The following MAML3 variants were observed in gnomAD, a reference collection of about 807,000 sequenced individuals.
MAML3 encodes the protein mastermind like transcriptional coactivator 3, also known as mastermind-like protein 3.
Under a neutral mutation model 101.9 loss-of-function variants are expected in MAML3, and 27 were observed. The ratio of observed to expected loss-of-function variants is 0.27; its 90% CI spans 0.20 to 0.37. The LOEUF is 0.37. Among genes scored for constraint, MAML3 ranks in the 10% least tolerant of loss-of-function variants. The pLI, the probability that MAML3 is intolerant of heterozygous loss-of-function variation, is 1.00. For synonymous variants in MAML3, 501 were observed against 555.9 expected, an observed-to-expected ratio of 0.90 and a Z score of 1.39; for missense variants, 1,316 against 1,444.9, an observed-to-expected ratio of 0.91 and a Z score of 1.45.
rs549859093 is a variant in MAML3, at chr4:139,784,928, C to G, written c.2080-54261G>C. ...AGTGTGGAATGATAGACATTGGAGACGAGGAGGGGTGGGAGGGTGGAAAGA... is the reference window on the plus strand; with the variant it reads ...AGTGTGGAATGATAGACATTGGAGAGGAGGAGGGGTGGGAGGGTGGAAAGA... On this transcript the variant is annotated intron_variant, in intron 2 of 4. Coordinates refer to ENST00000509479, the MANE Select transcript of MAML3 (RefSeq NM_018717.5). Among the ~76,000 whole-genome samples the G allele has an allele frequency of 2.5e-4, 38 of 151,680 alleles. No individual in the cohort carries two copies. In the South Asian group the frequency reaches 7.7e-3, roughly 31 times the overall value.
chr4:139,809,522 C>T (rs904361456), intron 2 of MAML3, among the ~76,000 whole-genome samples: 1 of 152,190 alleles, frequency 6.6e-6, no homozygotes, highest in Admixed American at 6.5e-5. Flanking sequence ...GGAGATGTGA[C>T]CCTGGTCCCC....
intron 1 of MAML3, among the ~76,000 whole-genome samples, chr4:139,999,098 G>T (rs1001261838): frequency 7.2e-5 from 11 of 152,142 alleles, no homozygotes; most frequent in Non-Finnish European, 1.2e-4. Context: ...CTCAAGACTA[G>T]ATAGGAGTGT....
intron 1 of MAML3, 45 bp from the exon 2 acceptor site, chr4:139,891,012 A>AT: frequency 6.4e-7 from 1 of 1,572,194 alleles, no homozygotes; most frequent in Admixed American, 1.8e-5. Context: ...TCCAAGTCAT[A>AT]TTTTACTCTT....
In MAML3 at chr4:139,720,074, C is replaced by T. The variant is rs1728169663; in HGVS notation, c.2666G>A (p.Gly889Asp). The T allele has an allele frequency of 6.2e-7, 1 of 1,613,960 alleles. No homozygotes were observed. The highest frequency in any genetic ancestry group is 8.5e-7 in the Non-Finnish European group (1 of 1,179,912). ...TQMLQHPNQS[G>D]MSITHNQAQG... ...GGCTTGGTTATGTGTGATGCTCATG[C>T]CACTTTGGTTTGGATGCTGCAACAT... Residue 889 changes from glycine (G) to aspartate (D), a missense_variant, in exon 5 of 5, where the codon GGC becomes GAC. Gly to Asp is a moderately conservative substitution (Grantham distance 94). Coordinates refer to ENST00000509479, the MANE Select transcript of MAML3 (RefSeq NM_018717.5).
chr4:139,824,620 G>A (rs1731029206), intron 2 of MAML3, among the ~76,000 whole-genome samples: 1 of 152,218 alleles, frequency 6.6e-6, no homozygotes, highest in African/African-American at 2.4e-5. Context: ...GGTCACAGAT[G>A]TTGATCAAAA....
At chr4:140,095,395 T>C (rs1049428478) in intron 1 of MAML3, among the ~76,000 whole-genome samples, 36 of 152,042 alleles carry the variant, frequency 2.4e-4, no homozygotes, top group Middle Eastern at 3.2e-3. Flanking sequence ...ATCCTTCATC[T>C]TTCTCTCCCA....
chr4:140,151,074 C>G (rs571574549), intron 1 of MAML3, among the ~76,000 whole-genome samples: 3 of 152,216 alleles, frequency 2.0e-5, no homozygotes, highest in South Asian at 4.1e-4. Context: ...CGCAGCACCC[C>G]TCCCAGCCCA....
intron 1 of MAML3, among the ~76,000 whole-genome samples, chr4:140,015,816 G>A (rs1182244851): frequency 6.6e-6 from 1 of 152,126 alleles, no homozygotes; most frequent in South Asian, 2.1e-4. Context: ...AGCCACATGT[G>A]GTGGCACACG....
At chr4:140,051,747 T>C (rs1349401842) in intron 1 of MAML3, among the ~76,000 whole-genome samples, 1 of 152,176 alleles carries the variant, frequency 6.6e-6, no homozygotes, top group Non-Finnish European at 1.5e-5. Context: ...TTCCCAACCA[T>C]TCTACTTGGA....
chr4:140,090,181 T>C (rs1300172250), intron 1 of MAML3, among the ~76,000 whole-genome samples: 3 of 152,096 alleles, frequency 2.0e-5, no homozygotes, highest in Non-Finnish European at 4.4e-5. Context: ...GTTTTTACGG[T>C]GGTGGTGGTG....
chr4:139,885,340 A>G (rs539974328), intron 2 of MAML3, among the ~76,000 whole-genome samples: 1 of 152,134 alleles, frequency 6.6e-6, no homozygotes, highest in South Asian at 2.1e-4. Flanking sequence ...CAGGAATTCA[A>G]AGCTGCAGTG....
At chr4:139,742,589 G>A (rs1188357858) in intron 2 of MAML3, among the ~76,000 whole-genome samples, 3 of 152,088 alleles carry the variant, frequency 2.0e-5, no homozygotes, top group Admixed American at 6.5e-5. Context: ...CTTTAGGTGG[G>A]GCCTATATTT....
At chr4:140,132,694 C>T (rs6858531) in intron 1 of MAML3, among the ~76,000 whole-genome samples, 34,096 of 152,142 alleles carry the variant, frequency 0.22, 4,788 homozygotes, top group African/African-American at 0.39. Flanking sequence ...GAAGACTTCT[C>T]ACTTTGCACG....
intron 1 of MAML3, among the ~76,000 whole-genome samples, chr4:140,136,673 T>C (rs1027982445): frequency 2.6e-5 from 4 of 152,188 alleles, no homozygotes; most frequent in African/African-American, 9.7e-5. Flanking sequence ...GATCCCCAAA[T>C]TGGGAGAGGC....
intron 2 of MAML3, among the ~76,000 whole-genome samples, chr4:139,882,739 C>T (rs953554331): frequency 2.6e-5 from 4 of 152,150 alleles, no homozygotes; most frequent in Admixed American, 1.3e-4. Flanking sequence ...ATCCCAGCTA[C>T]TCAGGAGCCT....
intron 1 of MAML3, among the ~76,000 whole-genome samples, chr4:140,105,803 C>T (rs1241753392): frequency 6.6e-6 from 1 of 152,010 alleles, no homozygotes; most frequent in East Asian, 2.0e-4. Flanking sequence ...ACTGGCCTGG[C>T]CCAGGATAAG....
chr4:139,937,992 T>C (rs1003632124), intron 1 of MAML3, among the ~76,000 whole-genome samples: 1 of 152,158 alleles, frequency 6.6e-6, no homozygotes, highest in Admixed American at 6.5e-5. Flanking sequence ...TAACACTGAT[T>C]TAGTGGCTGT....
At chr4:139,874,347 G>C (rs1279303930) in intron 2 of MAML3, among the ~76,000 whole-genome samples, 1 of 152,010 alleles carries the variant, frequency 6.6e-6, no homozygotes, top group African/African-American at 2.4e-5. Flanking sequence ...ATTTTAAATA[G>C]AGGTAAATTA....
intron 2 of MAML3, among the ~76,000 whole-genome samples, chr4:139,881,005 C>T (rs949935528): frequency 6.6e-6 from 1 of 152,144 alleles, no homozygotes; most frequent in South Asian, 2.1e-4. Context: ...AACGACTTAG[C>T]AGCTTAGAGA....
Sources: gnomAD v4.1 joint callset for allele counts (sites outside exome capture counted in the v4.1 genomes callset) on GRCh38, gnomAD v4.1.1 for gene constraint, MANE v1.5 for transcripts, NCBI Gene and HGNC (gene_info 2026-07-23, HGNC 2026-07-21) for gene names.